The following KCNH2 variants were observed in gnomAD, a reference collection of about 807,000 sequenced individuals.
The protein encoded by KCNH2 is voltage-gated inwardly rectifying potassium channel KCNH2.
A neutral mutation model predicts 95.9 loss-of-function variants in KCNH2; 35 were observed. That is an observed-to-expected ratio of 0.37 (90% CI 0.28 to 0.48). KCNH2 has a LOEUF of 0.48. Among genes scored for constraint, KCNH2 ranks in the 20% least tolerant of loss-of-function variants. The pLI is 0.99. For missense variants in KCNH2, 1,274 were observed against 1,702.9 expected, an observed-to-expected ratio of 0.75 and a Z score of 4.43; for synonymous variants, 786 against 754.7, an observed-to-expected ratio of 1.04 and a Z score of -0.68.
At chr7:150,955,209 T>C (rs957292393) in intron 5 of KCNH2, among the ~76,000 whole-genome samples, 2 of 152,214 alleles carry the variant, frequency 1.3e-5, no homozygotes, top group African/African-American at 4.8e-5. Flanking sequence ...GGAAACTCTG[T>C]AAGCCCAGCC....
intron 5 of KCNH2, chr7:150,955,943 TC>T: frequency 1.5e-6 from 1 of 664,790 alleles, no homozygotes; most frequent in Non-Finnish European, 1.8e-6. Flanking sequence ...GCAGCGGCGC[TC>T]CCGCAGCCTG....
chr7:150,973,738 C>A (rs1161461196), intron 2 of KCNH2, among the ~76,000 whole-genome samples: 1 of 152,210 alleles, frequency 6.6e-6, no homozygotes, highest in African/African-American at 2.4e-5. Flanking sequence ...CTGGCCTGGT[C>A]CCAAACAGAA....
chr7:150,951,176 A>G (rs1277236837), intron 7 of KCNH2, 56 bp from the exon 8 acceptor site: 6 of 1,453,784 alleles, frequency 4.1e-6, no homozygotes, highest in Non-Finnish European at 5.7e-6. Flanking sequence ...ACCCACCCAC[A>G]GGGACCCTGC....
In KCNH2 at chr7:150,948,985, A is replaced by G. The variant is rs1460365886; in HGVS notation, c.2463T>C (p.Asp821=). ...GGTCACAGTAGGTGAGGGCCCGCAC[A>G]TCCCCGTTCGACTTGCCAGGCCTTG... ...LYARPGKSNG[D]VRALTYCDLH... The change falls in exon 10 of 15, where the codon GAT becomes GAC. Residue 821 remains aspartate, a synonymous_variant. Transcript: ENST00000262186. The G allele has an allele frequency of 6.2e-7, 1 of 1,614,182 alleles. No individual in the cohort carries two copies.
At chr7:150,965,337 A>C (rs1180171535) in intron 2 of KCNH2, among the ~76,000 whole-genome samples, 1 of 151,920 alleles carries the variant, frequency 6.6e-6, no homozygotes, top group Admixed American at 6.6e-5. Context: ...TCTGCCCCGG[A>C]CCACAGCAAT....
chr7:150,945,217 G>C lies in KCNH2; in HGVS notation c.*148C>G. ...TGGGGCCCAGGGGACTGCAGGAGAAGATGGTCCCAAGGGCTGGGGGAGGAG... is the reference window on the plus strand; with the variant it reads ...TGGGGCCCAGGGGACTGCAGGAGAACATGGTCCCAAGGGCTGGGGGAGGAG... On this transcript the variant is annotated 3_prime_UTR_variant, in exon 15 of 15. Coordinates refer to ENST00000262186, the MANE Select transcript of KCNH2 (RefSeq NM_000238.4). This position sits in a 1 kb window ranked among gnomAD's most constrained non-coding sequence, Gnocchi z 5.6. 1 of 887,088 alleles carries C rather than the reference G, an allele frequency of 1.1e-6. No individual in the cohort carries two copies. Among genetic ancestry groups the C allele is most frequent in the Non-Finnish European group, 1.7e-6 (1 of 597,288 alleles). The allele number at this position is 887,088 out of a possible 1,614,324, so 55.0% of individuals were successfully genotyped here.
rs2117023347 is a variant in KCNH2, at chr7:150,962,655, A to G, written c.308-2919T>C. On this transcript the variant is annotated intron_variant, in intron 2 of 14. Transcript: ENST00000262186. The surrounding 1 kb of genome is among the most constrained non-coding windows in gnomAD (Gnocchi z 5.7). Reference sequence around the variant, plus strand: ...AGAGAGAGAGAGAGAGAGAGAGAGGAGTGACTGCTGGCCCTCTTCCTTTGT... The same window carrying G: ...AGAGAGAGAGAGAGAGAGAGAGAGGGGTGACTGCTGGCCCTCTTCCTTTGT... 1.3e-5 allele frequency among the ~76,000 whole-genome samples: 1 copy of G among 76,054 alleles called. No individual in the cohort carries two copies. Among genetic ancestry groups the G allele is most frequent in the East Asian group, 2.9e-4 (1 of 3,478 alleles). The allele number at this position is 76,054 out of a possible 152,430, so 49.9% of individuals were successfully genotyped here.
At chr7:150,970,159 G>T (rs890552883) in intron 2 of KCNH2, among the ~76,000 whole-genome samples, 2 of 152,170 alleles carry the variant, frequency 1.3e-5, no homozygotes. Context: ...GGAGTTTCAG[G>T]AACGCTTCAG....
intron 2 of KCNH2, among the ~76,000 whole-genome samples, chr7:150,971,235 G>A (rs991890145): frequency 6.6e-6 from 1 of 152,226 alleles, no homozygotes; most frequent in African/African-American, 2.4e-5. Context: ...TCTGAGGCCT[G>A]CAGGAGCACT....
intron 13 of KCNH2, 111 bp downstream of exon 13, chr7:150,947,217 G>A: frequency 8.7e-7 from 1 of 1,147,806 alleles, no homozygotes; most frequent in Non-Finnish European, 1.2e-6. Flanking sequence ...TGGAAGAAGG[G>A]GATCCAGCTG....
intron 9 of KCNH2, chr7:150,949,825 G>A: frequency 8.0e-6 from 10 of 1,251,460 alleles, no homozygotes; most frequent in South Asian, 6.1e-5. Context: ...ATGGCCCTTA[G>A]TGAAACCAAA....
At chr7:150,970,819 GA>G (rs1477981079) in intron 2 of KCNH2, among the ~76,000 whole-genome samples, 1 of 152,202 alleles carries the variant, frequency 6.6e-6, no homozygotes, top group Non-Finnish European at 1.5e-5. Flanking sequence ...AGTGCCACAG[GA>G]AAAGTTCTCC....
Position 150,947,592 on chromosome 7 carries a change from GTC to G in KCNH2, c.2965+12_2965+13del, listed in dbSNP as rs769307334. The G allele has an allele frequency of 6.2e-7, 1 of 1,611,582 alleles. No individual in the cohort carries two copies. Among genetic ancestry groups the G allele is most frequent in the Admixed American group, 1.7e-5 (1 of 59,830 alleles). On this transcript the variant is annotated intron_variant, in intron 12 of 14. Coordinates refer to ENST00000262186, the MANE Select transcript of KCNH2 (RefSeq NM_000238.4). ...ACGCCCGGTCCTCCCTCGCCCGCCC[GTC>G]GCCCGGGATACCTGACAGGGGGTTG...
intron 10 of KCNH2, 113 bp from the exon 11 acceptor site, chr7:150,948,656 G>A (rs1801016737): frequency 3.4e-6 from 4 of 1,166,088 alleles, no homozygotes; most frequent in Non-Finnish European, 5.1e-6. Flanking sequence ...CCCAGCTCTG[G>A]GAAAACCCTT....
Position 150,952,434 on chromosome 7 carries a change from G to A in KCNH2, c.1548C>T (p.Gly516=). ...TCCTTGCTGACCCCACCTCCTCAGA[G>A]CCAGAGCCGAAGATGAGCAGGTCGA... The part of the protein sequence containing the change: ...IPFDLLIFGS[G]SEELIGLLKT... The change falls in exon 6 of 15, where the codon GGC becomes GGT. Residue 516 remains glycine, a synonymous_variant. Coordinates refer to ENST00000262186, the MANE Select transcript of KCNH2 (RefSeq NM_000238.4). The surrounding 1 kb of genome is among the most constrained non-coding windows in gnomAD (Gnocchi z 7.3). 1 of 1,613,990 alleles carries A rather than the reference G, an allele frequency of 6.2e-7. No individual in the cohort carries two copies. The highest frequency in any genetic ancestry group is 1.7e-5 in the Admixed American group (1 of 59,990).
Position 150,974,859 on chromosome 7 carries a change from G to T in KCNH2, c.159C>A (p.Gly53=). Residue 53 remains glycine (G), a synonymous_variant, in exon 2 of 15, where the codon GGC becomes GGA. Coordinates refer to ENST00000262186, the MANE Select transcript of KCNH2 (RefSeq NM_000238.4). Reference sequence around the variant, plus strand: ...GCTGCATCACCTCGGCCCGCGAGTAGCCGCACAGCTCGCAGAAGCCGTCGT... The same window carrying T: ...GCTGCATCACCTCGGCCCGCGAGTATCCGCACAGCTCGCAGAAGCCGTCGT... ...YCNDGFCELC[G]YSRAEVMQRP... is the part of the protein sequence containing the mutation. 1 of 1,611,310 alleles carries T rather than the reference G, an allele frequency of 6.2e-7. No homozygotes were observed. Among genetic ancestry groups the T allele is most frequent in the Non-Finnish European group, 8.5e-7 (1 of 1,179,024 alleles).
At chr7:150,969,977 T>C (rs903434341) in intron 2 of KCNH2, among the ~76,000 whole-genome samples, 1 of 152,076 alleles carries the variant, frequency 6.6e-6, no homozygotes, top group Non-Finnish European at 1.5e-5. Flanking sequence ...CTCCCTCTTC[T>C]ACTGACCCTG....
At position 150,950,006 on chromosome 7, in the gene KCNH2, T is replaced by C. The variant is rs1246310515; in HGVS notation, c.2398+162A>G. On this transcript the variant is annotated intron_variant, in intron 9 of 14. Transcript: ENST00000262186. The stretch of plus-strand genomic sequence containing the variant: ...TCACCCCACGTGGGGCTCCTCTCCA[T>C]GGCCCCGCTTGGAGGGCCTGAGTTT... 6 of 1,564,648 alleles carry C rather than the reference T, an allele frequency of 3.8e-6. No individual in the cohort carries two copies. Among genetic ancestry groups the C allele is most frequent in the African/African-American group, 1.4e-5 (1 of 73,342 alleles).
At chr7:150,954,685 C>T (rs1240288068) in intron 5 of KCNH2, among the ~76,000 whole-genome samples, 1 of 152,176 alleles carries the variant, frequency 6.6e-6, no homozygotes, top group Non-Finnish European at 1.5e-5. Flanking sequence ...GCAGAATGTG[C>T]AGATGTGGGG....
Sources: allele counts gnomAD v4.1 joint callset (sites outside exome capture counted in the v4.1 genomes callset), GRCh38; gene constraint gnomAD v4.1.1; non-coding constraint Gnocchi (gnomAD v3.1); transcripts MANE v1.5; gene names NCBI Gene and HGNC (gene_info 2026-07-23, HGNC 2026-07-21).